Variants in CSMD1 observed in about 807,000 individuals in gnomAD.
CSMD1 encodes the protein CUB and sushi domain-containing protein 1.
Under a neutral mutation model 417.5 loss-of-function variants are expected in CSMD1, and 213 were observed. The observed-to-expected ratio is 0.51, with a 90% CI of 0.46 to 0.57. The LOEUF (loss-of-function observed/expected upper bound fraction) is 0.57, where lower values mean the gene tolerates loss of function less well. Among genes scored for constraint, CSMD1 ranks in the 20% least tolerant of loss-of-function variants. The pLI is 0.00. For synonymous variants in CSMD1, 2,862 were observed against 1,736.8 expected (o/e 1.65, Z -16.11); for missense variants, 6,923 against 4,529.7 (o/e 1.53, Z -15.17).
intron 3 of CSMD1, among the ~76,000 whole-genome samples, chr8:4,191,540 C>A (rs1352452791): frequency 1.3e-5 from 2 of 152,142 alleles, no homozygotes; most frequent in African/African-American, 4.8e-5. Context: ...TGTGTCTCAT[C>A]TGAACTACAA....
At chr8:3,745,558 T>C (rs1316424333) in intron 6 of CSMD1, among the ~76,000 whole-genome samples, 3 of 152,222 alleles carry the variant, frequency 2.0e-5, no homozygotes, top group Non-Finnish European at 4.4e-5. Flanking sequence ...GCCACATTCA[T>C]CTTTTGCTAC....
At chr8:4,438,970 G>A (rs184029447) in intron 2 of CSMD1, among the ~76,000 whole-genome samples, 34 of 152,268 alleles carry the variant, frequency 2.2e-4, no homozygotes, top group Admixed American at 6.5e-4. Flanking sequence ...AGTCATGAGC[G>A]CTTCATCAGT....
At chr8:3,408,260 G>A in intron 13 of CSMD1, 35 bp from the exon 14 acceptor site, 2 of 1,485,714 alleles carry the variant, frequency 1.3e-6, no homozygotes, top group South Asian at 1.3e-5. Flanking sequence ...AAACAGTTAT[G>A]CACATATCCA....
At chr8:4,611,774 T>C (rs1212564962) in intron 2 of CSMD1, among the ~76,000 whole-genome samples, 1 of 152,204 alleles carries the variant, frequency 6.6e-6, no homozygotes, top group Non-Finnish European at 1.5e-5. Context: ...GTAGCAAAAT[T>C]ACTCAGTGTT....
chr8:4,321,053 C>G (rs531828658), intron 3 of CSMD1, among the ~76,000 whole-genome samples: 1 of 152,144 alleles, frequency 6.6e-6, no homozygotes, highest in Admixed American at 6.6e-5. Flanking sequence ...TTGTTTTACA[C>G]ACAGATCTCT....
At chr8:4,372,462 C>A (rs1213615542) in intron 3 of CSMD1, among the ~76,000 whole-genome samples, 1 of 151,176 alleles carries the variant, frequency 6.6e-6, no homozygotes, top group African/African-American at 2.4e-5. Context: ...AATTCAAGGG[C>A]AATAGTTAAG....
intron 1 of CSMD1, among the ~76,000 whole-genome samples, chr8:4,754,763 C>T (rs1302156019): frequency 1.3e-5 from 2 of 151,736 alleles, no homozygotes; most frequent in Non-Finnish European, 2.9e-5. Flanking sequence ...GCAGGAGATT[C>T]GTTTGAACCC....
intron 2 of CSMD1, among the ~76,000 whole-genome samples, chr8:4,531,501 C>T (rs7004990): frequency 2.6e-5 from 4 of 151,820 alleles, no homozygotes; most frequent in Non-Finnish European, 5.9e-5. Context: ...ATAAGTATAA[C>T]GTCACCTGCC....
At chr8:3,644,484 A>G (rs1216629210) in intron 7 of CSMD1, among the ~76,000 whole-genome samples, 2 of 152,204 alleles carry the variant, frequency 1.3e-5, no homozygotes, top group Non-Finnish European at 2.9e-5. Flanking sequence ...TTGGACATCA[A>G]GGCTTTTGCT....
At chr8:4,578,316 C>T (rs1484689861) in intron 2 of CSMD1, among the ~76,000 whole-genome samples, 1 of 135,522 alleles carries the variant, frequency 7.4e-6, no homozygotes, top group Non-Finnish European at 1.5e-5. Context: ...CAGGCACCTG[C>T]CACGACACCC....
chr8:3,391,351 C>CA (rs1811337366), intron 17 of CSMD1, among the ~76,000 whole-genome samples: 1 of 152,084 alleles, frequency 6.6e-6, no homozygotes, highest in Non-Finnish European at 1.5e-5. Context: ...ACAGCATTTT[C>CA]AAAAAATGCT....
chr8:3,396,861 T>A (rs889821031), intron 16 of CSMD1, among the ~76,000 whole-genome samples: 1 of 152,138 alleles, frequency 6.6e-6, no homozygotes, highest in African/African-American at 2.4e-5. Context: ...AAATGTGTGA[T>A]GAGTTTAAAC....
At chr8:4,723,091 T>G (rs1809170866) in intron 1 of CSMD1, among the ~76,000 whole-genome samples, 1 of 152,210 alleles carries the variant, frequency 6.6e-6, no homozygotes, top group Non-Finnish European at 1.5e-5. Flanking sequence ...GCTTTCTGTC[T>G]GGATACTTAT....
chr8:4,576,354 G>A (rs908387039), intron 2 of CSMD1, among the ~76,000 whole-genome samples: 1 of 152,192 alleles, frequency 6.6e-6, no homozygotes, highest in Non-Finnish European at 1.5e-5. Flanking sequence ...ACTCTTCAGG[G>A]GAGAGTCAGA....
At chr8:4,159,953 G>T (rs773400207) in intron 3 of CSMD1, among the ~76,000 whole-genome samples, 1 of 152,006 alleles carries the variant, frequency 6.6e-6, no homozygotes, top group African/African-American at 2.4e-5. Context: ...AGGGTGGGAG[G>T]GGGTGAGGGA....
intron 5 of CSMD1, among the ~76,000 whole-genome samples, chr8:3,839,335 C>A (rs1328602191): frequency 1.7e-4 from 18 of 108,400 alleles, no homozygotes; most frequent in African/African-American, 5.9e-4. Context: ...ATTATATATA[C>A]TATTAATTAG....
chr8:3,352,642 C>G (rs1327345523), intron 21 of CSMD1, among the ~76,000 whole-genome samples: 1 of 152,142 alleles, frequency 6.6e-6, no homozygotes, highest in Non-Finnish European at 1.5e-5. Context: ...GAGTTCAAGA[C>G]CAGCCTGGCC....
chr8:3,110,114 G>T (rs150803391), intron 43 of CSMD1, 44 bp downstream of exon 43: 18,991 of 1,499,476 alleles, frequency 0.013, 175 homozygotes, highest in Non-Finnish European at 0.015. Flanking sequence ...AGTCAGAATT[G>T]TTGATCACAA....
At chr8:4,918,574 A>T (rs1266008314) in intron 1 of CSMD1, among the ~76,000 whole-genome samples, 1 of 152,232 alleles carries the variant, frequency 6.6e-6, no homozygotes, top group African/African-American at 2.4e-5. Flanking sequence ...AAGCACTGCG[A>T]GTTGTGCTTT....
Sources: allele counts gnomAD v4.1 joint callset (sites outside exome capture counted in the v4.1 genomes callset), GRCh38; gene constraint gnomAD v4.1.1; transcripts MANE v1.5; gene names NCBI Gene and HGNC (gene_info 2026-07-23, HGNC 2026-07-21).